The following SYT9 variants were observed in gnomAD, a reference collection of about 807,000 sequenced individuals.
The protein encoded by SYT9 is synaptotagmin 9, also known as synaptotagmin-9.
A neutral mutation model predicts 48.4 loss-of-function variants in SYT9; 22 were observed. That is an observed-to-expected ratio of 0.45 (90% CI 0.32 to 0.65). The LOEUF is 0.65. Among genes scored for constraint, SYT9 ranks in the 30% least tolerant of loss-of-function variants. SYT9 has a pLI of 0.03. For synonymous variants in SYT9, 265 were observed against 245.0 expected (o/e 1.08, Z -0.76); for missense variants, 577 against 622.0 (o/e 0.93, Z 0.77).
At chr11:7,408,010 G>T (rs1415816557) in intron 3 of SYT9, among the ~76,000 whole-genome samples, 1 of 152,122 alleles carries the variant, frequency 6.6e-6, no homozygotes, top group South Asian at 2.1e-4. Context: ...GGCTATTCAG[G>T]CTCTCTTTTG....
At chr11:7,243,956 TA>T (rs1465400616) in intron 1 of SYT9, among the ~76,000 whole-genome samples, 3 of 145,706 alleles carry the variant, frequency 2.1e-5, no homozygotes, top group Non-Finnish European at 4.6e-5. Flanking sequence ...TTTTTTTTTT[TA>T]AATTCATCTG....
chr11:7,310,109 G>GT (rs1176987143), intron 2 of SYT9, among the ~76,000 whole-genome samples: 5 of 152,078 alleles, frequency 3.3e-5, no homozygotes, highest in Non-Finnish European at 7.4e-5. Context: ...TCTGTGACTG[G>GT]TTTTTTGTTT....
intron 1 of SYT9, among the ~76,000 whole-genome samples, chr11:7,254,428 T>C (rs956410360): frequency 2.0e-5 from 3 of 152,180 alleles, no homozygotes; most frequent in Non-Finnish European, 4.4e-5. Flanking sequence ...CTCCCTTCAT[T>C]TCCCTCCTTC....
chr11:7,460,326 TTAAA>T (rs748576161), intron 6 of SYT9, among the ~76,000 whole-genome samples: 2 of 152,234 alleles, frequency 1.3e-5, no homozygotes, highest in Admixed American at 6.5e-5. Context: ...TCAAATTCTC[TTAAA>T]TATTTTTAAA....
At chr11:7,263,546 A>G (rs530582316) in intron 1 of SYT9, among the ~76,000 whole-genome samples, 2 of 152,320 alleles carry the variant, frequency 1.3e-5, no homozygotes, top group South Asian at 4.1e-4. Context: ...AAGTCAGAGA[A>G]ATGTGCAGGA....
At chr11:7,372,211 C>T (rs764620178) in intron 3 of SYT9, among the ~76,000 whole-genome samples, 3 of 152,126 alleles carry the variant, frequency 2.0e-5, no homozygotes, top group East Asian at 1.9e-4. Context: ...GATGGCATTT[C>T]GTTGTGGCTT....
chr11:7,253,280 C>T (rs1188986567), intron 1 of SYT9, among the ~76,000 whole-genome samples: 1 of 152,166 alleles, frequency 6.6e-6, no homozygotes, highest in Admixed American at 6.5e-5. Flanking sequence ...ACCAAAACAG[C>T]ATATTGTGGT....
chr11:7,281,175 C>A (rs4757989), intron 1 of SYT9, among the ~76,000 whole-genome samples: 119,354 of 152,178 alleles, frequency 0.78, 47,377 homozygotes, highest in South Asian at 0.88. Flanking sequence ...TATTTGCATA[C>A]AAATGCAGCT....
chr11:7,304,096 A>C (rs1030001197), intron 2 of SYT9, among the ~76,000 whole-genome samples: 1 of 152,264 alleles, frequency 6.6e-6, no homozygotes, highest in Non-Finnish European at 1.5e-5. Flanking sequence ...CATTGAACAA[A>C]TTACTTAAAC....
chr11:7,294,582 A>C (rs1301444494), intron 1 of SYT9, among the ~76,000 whole-genome samples: 1 of 152,196 alleles, frequency 6.6e-6, no homozygotes, highest in East Asian at 1.9e-4. Flanking sequence ...GAAAGAGGTA[A>C]CAGGTCCTGG....
At chr11:7,302,045 T>C (rs1300181861) in intron 1 of SYT9, among the ~76,000 whole-genome samples, 1 of 152,206 alleles carries the variant, frequency 6.6e-6, no homozygotes, top group African/African-American at 2.4e-5. Context: ...ACCACTTCAT[T>C]GTGTGCCTGT....
chr11:7,461,592 C>T (rs769151216), intron 6 of SYT9, among the ~76,000 whole-genome samples: 4 of 152,144 alleles, frequency 2.6e-5, no homozygotes, highest in Non-Finnish European at 5.9e-5. Flanking sequence ...AGGCTGGTCT[C>T]GAACTCCTAA....
At chr11:7,292,571 C>T (rs1487876) in intron 1 of SYT9, among the ~76,000 whole-genome samples, 10,100 of 152,254 alleles carry the variant, frequency 0.066, 409 homozygotes, top group African/African-American at 0.11. Flanking sequence ...GTTGGGATCC[C>T]ACTTCCTGTG....
intron 3 of SYT9, among the ~76,000 whole-genome samples, chr11:7,363,251 G>A (rs1450531614): frequency 6.6e-6 from 1 of 151,974 alleles, no homozygotes; most frequent in East Asian, 1.9e-4. Context: ...AAGTTAGTGG[G>A]AAAACAACTA....
chr11:7,423,598 A>G (rs1847396602), intron 6 of SYT9, among the ~76,000 whole-genome samples: 1 of 152,168 alleles, frequency 6.6e-6, no homozygotes, highest in South Asian at 2.1e-4. Context: ...TATAATAAAC[A>G]CTCAGTAAAG....
At chr11:7,418,327 G>C (rs1476266439) in intron 5 of SYT9, among the ~76,000 whole-genome samples, 199 bp downstream of exon 5, 1 of 152,148 alleles carries the variant, frequency 6.6e-6, no homozygotes, top group Admixed American at 6.5e-5. Context: ...GTGTCTCTCA[G>C]CACTCCCATT....
chr11:7,329,016 G>C (rs542384440), intron 3 of SYT9, among the ~76,000 whole-genome samples: 2 of 152,170 alleles, frequency 1.3e-5, no homozygotes, highest in South Asian at 4.1e-4. Flanking sequence ...TAGTATGAAT[G>C]GTGTTGAATT....
intron 3 of SYT9, among the ~76,000 whole-genome samples, chr11:7,373,850 T>G (rs1850406131): frequency 6.6e-6 from 1 of 152,096 alleles, no homozygotes; most frequent in Non-Finnish European, 1.5e-5. Context: ...GGACACTTCG[T>G]TTGGGGGAAA....
At chr11:7,463,056 C>T (rs12790440) in intron 6 of SYT9, among the ~76,000 whole-genome samples, 57,717 of 152,074 alleles carry the variant, frequency 0.38, 12,942 homozygotes, top group African/African-American at 0.64. Context: ...TTACAATCTT[C>T]TCTGTTCAGA....
Sources: allele counts gnomAD v4.1 joint callset (sites outside exome capture counted in the v4.1 genomes callset), GRCh38; gene constraint gnomAD v4.1.1; transcripts MANE v1.5; gene names NCBI Gene and HGNC (gene_info 2026-07-23, HGNC 2026-07-21).